The following NEXMIF variants were observed in gnomAD, a reference collection of about 807,000 sequenced individuals.
NEXMIF encodes the protein neurite extension and migration factor.
A neutral mutation model predicts 62.1 loss-of-function variants in NEXMIF; 8 were observed. The observed-to-expected ratio is 0.13, with a 90% CI of 0.08 to 0.23. The LOEUF is 0.23. NEXMIF is among the 10% of genes least tolerant of loss of function. NEXMIF has a pLI of 1.00. For synonymous variants in NEXMIF, 404 were observed against 416.6 expected (o/e 0.97, Z 0.37); for missense variants, 976 against 1,113.3 (o/e 0.88, Z 1.75).
chrX:74,879,590 G>C (rs181133340), intron 1 of NEXMIF, among the ~76,000 whole-genome samples: 1 of 111,973 alleles, frequency 8.9e-6, no homozygotes, highest in African/African-American at 3.2e-5. Context: ...TTTCAGGAAA[G>C]GTGTACAAAG....
At chrX:74,885,944 C>T (rs921190274) in intron 1 of NEXMIF, among the ~76,000 whole-genome samples, 8 of 111,750 alleles carry the variant, frequency 7.2e-5, no homozygotes, top group South Asian at 3.8e-4. Flanking sequence ...AAAAAGCTTA[C>T]CCACCATGAT....
At chrX:74,919,165 A>AGCAGCCATTTTCCAGCAT (rs2080817675) in intron 1 of NEXMIF, among the ~76,000 whole-genome samples, 2 of 111,740 alleles carry the variant, frequency 1.8e-5, no homozygotes, top group South Asian at 7.6e-4. Context: ...TGAAAGTTAG[A>AGCAGCCATTTTCCAGCAT]GCAGCCATTT....
intron 1 of NEXMIF, among the ~76,000 whole-genome samples, chrX:74,835,610 C>G (rs897992460): frequency 6.3e-5 from 7 of 111,285 alleles, no homozygotes; most frequent in African/African-American, 2.0e-4. Context: ...TCCCTACTTT[C>G]TCACAAACAG....
intron 1 of NEXMIF, among the ~76,000 whole-genome samples, chrX:74,886,401 C>G (rs1453893508): frequency 9.0e-6 from 1 of 111,689 alleles, no homozygotes; most frequent in Non-Finnish European, 1.9e-5. Flanking sequence ...TGGAAAACCC[C>G]ATCGTCTCAG....
intron 1 of NEXMIF, among the ~76,000 whole-genome samples, chrX:74,845,917 T>C (rs1270973712): frequency 6.2e-5 from 7 of 112,266 alleles, no homozygotes; most frequent in Non-Finnish European, 1.3e-4. Flanking sequence ...CATTTCCTTA[T>C]GCAACTGTCT....
rs918113539 is a variant in NEXMIF at position 74,736,130 on chromosome X, C to A, written c.*3275G>T. The A allele has an allele frequency of 9.0e-6, 1 of 110,879 alleles. No homozygotes were observed. Among genetic ancestry groups the A allele is most frequent in the Non-Finnish European group, 1.9e-5 (1 of 52,920 alleles). 9.1% of individuals were successfully genotyped at this position (110,879 alleles called of 1,213,427 possible). A position where few individuals can be genotyped will look rare whatever the true frequency, so the allele number is the denominator to read the frequency against. On this transcript the variant is annotated 3_prime_UTR_variant, in exon 4 of 4. Coordinates refer to ENST00000055682, the MANE Select transcript of NEXMIF (RefSeq NM_001008537.3). ...TAAAAGCCCAGATTTCAACACTAAGCAATATATCCATGTAACACAACTGTC... is the reference window on the plus strand; with the variant it reads ...TAAAAGCCCAGATTTCAACACTAAGAAATATATCCATGTAACACAACTGTC...
chrX:74,833,442 C>G (rs1372699925), intron 1 of NEXMIF, among the ~76,000 whole-genome samples: 1 of 111,235 alleles, frequency 9.0e-6, no homozygotes, highest in East Asian at 2.8e-4. Flanking sequence ...CTTTTTTCAT[C>G]CCTTTATTTT....
intron 1 of NEXMIF, among the ~76,000 whole-genome samples, chrX:74,840,682 T>C (rs1448463140): frequency 8.9e-6 from 1 of 112,075 alleles, no homozygotes; most frequent in Non-Finnish European, 1.9e-5. Flanking sequence ...AGGTGTCCAG[T>C]TTCAATCTTC....
chrX:74,911,447 G>T (rs1201006212), intron 1 of NEXMIF, among the ~76,000 whole-genome samples: 1 of 111,475 alleles, frequency 9.0e-6, no homozygotes, highest in Non-Finnish European at 1.9e-5. Flanking sequence ...CTTCTTAAAA[G>T]ACAAAGTGAC....
Position 74,846,318 on chromosome X carries a change from C to G in NEXMIF, c.-48+78565G>C, listed in dbSNP as rs186074069. ...CTTTACCTCACTTAGGAGATCTATT[C>G]TAGTCTGTTCTCAGTCCTTCCAAAT... On this transcript the variant is annotated intron_variant, in intron 1 of 3. Transcript: ENST00000055682. Among the ~76,000 whole-genome samples the G allele has an allele frequency of 2.3e-3, 257 of 112,100 alleles. 1 individual carries two copies. Among genetic ancestry groups the G allele is most frequent in the Non-Finnish European group, 2.6e-3 (137 of 53,188 alleles).
At chrX:74,853,417 C>G in intron 1 of NEXMIF, among the ~76,000 whole-genome samples, 2 of 107,832 alleles carry the variant, frequency 1.9e-5, no homozygotes, top group Middle Eastern at 4.8e-3. Flanking sequence ...CCTGTACACA[C>G]GGTTTTACCT....
At chrX:74,798,993 A>C (rs1031006267) in intron 1 of NEXMIF, among the ~76,000 whole-genome samples, 5 of 110,871 alleles carry the variant, frequency 4.5e-5, no homozygotes, top group African/African-American at 1.6e-4. Context: ...ACAGTGAAAC[A>C]AGGGAACAAT....
intron 1 of NEXMIF, among the ~76,000 whole-genome samples, chrX:74,790,451 C>T (rs1434552899): frequency 5.9e-3 from 647 of 110,315 alleles, no homozygotes; most frequent in African/African-American, 0.02. Context: ...ATTGACTTGG[C>T]GATGCGGGCT....
intron 1 of NEXMIF, among the ~76,000 whole-genome samples, chrX:74,772,706 GT>G (rs1404934974): frequency 8.9e-6 from 1 of 112,457 alleles, no homozygotes; most frequent in African/African-American, 3.2e-5. Flanking sequence ...AGAGTCATCT[GT>G]TCCTTGCAGA....
intron 1 of NEXMIF, among the ~76,000 whole-genome samples, chrX:74,838,472 T>C (rs2080464080): frequency 8.9e-6 from 1 of 112,566 alleles, no homozygotes; most frequent in African/African-American, 3.2e-5. Flanking sequence ...CATACAATAA[T>C]ATCTTTTGAT....
intron 1 of NEXMIF, among the ~76,000 whole-genome samples, chrX:74,771,461 T>C (rs1359235102): frequency 9.0e-6 from 1 of 111,581 alleles, no homozygotes; most frequent in African/African-American, 3.3e-5. Context: ...CAGTGTCTAG[T>C]ACAGGGCTTA....
chrX:74,916,689 C>A (rs2080808370), intron 1 of NEXMIF, among the ~76,000 whole-genome samples: 1 of 111,575 alleles, frequency 9.0e-6, no homozygotes, highest in Admixed American at 9.5e-5. Flanking sequence ...AAATAAATTC[C>A]TTTTCTTTAT....
At chrX:74,853,650 T>C (rs1320395301) in intron 1 of NEXMIF, among the ~76,000 whole-genome samples, 1 of 110,985 alleles carries the variant, frequency 9.0e-6, no homozygotes, top group African/African-American at 3.3e-5. Context: ...TTTCACCCTT[T>C]CTAGCTGCCT....
chrX:74,849,518 C>A lies in NEXMIF; in HGVS notation c.-48+75365G>T, dbSNP rs771056562. ...GAGGGAGATCACACTGAGACCCACA[C>A]ACCCTCCAACTCCTAAGAAGCTGCA... is the stretch of plus-strand genomic sequence containing the variant. On this transcript the variant is annotated intron_variant, in intron 1 of 3. Coordinates refer to ENST00000055682, the MANE Select transcript of NEXMIF (RefSeq NM_001008537.3). Among the ~76,000 whole-genome samples, 3 of 112,333 alleles carry A rather than the reference C, an allele frequency of 2.7e-5. No individual in the cohort carries two copies. In the South Asian group the frequency reaches 1.1e-3, roughly 42 times the overall value.
Sources: gnomAD v4.1 joint callset for allele counts (sites outside exome capture counted in the v4.1 genomes callset) on GRCh38, gnomAD v4.1.1 for gene constraint, MANE v1.5 for transcripts, NCBI Gene and HGNC (gene_info 2026-07-23, HGNC 2026-07-21) for gene names.